The following LIX1L variants were observed in gnomAD, a reference collection of about 807,000 sequenced individuals.
LIX1L encodes LIX1-like protein.
A neutral mutation model predicts 34.0 loss-of-function variants in LIX1L; 20 were observed. The observed-to-expected ratio is 0.59, with a 90% CI of 0.41 to 0.85. The LOEUF is 0.85. LIX1L is among the 40% of genes least tolerant of loss of function. LIX1L has a pLI of 0.00. For missense variants in LIX1L, 397 were observed against 447.0 expected (o/e 0.89, Z 1.01); for synonymous variants, 170 against 187.4 (o/e 0.91, Z 0.76).
At chr1:145,939,383 G>A (rs975087869) in intron 3 of LIX1L, among the ~76,000 whole-genome samples, 2 of 148,644 alleles carry the variant, frequency 1.3e-5, no homozygotes, top group South Asian at 2.1e-4. Context: ...TCAGTTCACC[G>A]CAACCTCCAC....
intron 3 of LIX1L, among the ~76,000 whole-genome samples, chr1:145,938,634 A>G (rs992807822): frequency 1.3e-5 from 2 of 150,374 alleles, no homozygotes; most frequent in South Asian, 2.1e-4. Context: ...GTCGCCCAGG[A>G]TGGAGTGCAG....
chr1:145,955,014 C>T (rs1186173171), intron 1 of LIX1L, among the ~76,000 whole-genome samples: 2 of 152,222 alleles, frequency 1.3e-5, no homozygotes, highest in Non-Finnish European at 2.9e-5. Flanking sequence ...TTTATACATG[C>T]TCTGTAATGT....
At chr1:145,941,404 C>T (rs1240350792) in intron 3 of LIX1L, among the ~76,000 whole-genome samples, 2 of 152,008 alleles carry the variant, frequency 1.3e-5, no homozygotes, top group African/African-American at 4.8e-5. Context: ...AGGCGCCCAC[C>T]ACTGCGCCCA....
chr1:145,943,082 C>T (rs1648980799), intron 2 of LIX1L, among the ~76,000 whole-genome samples: 1 of 152,206 alleles, frequency 6.6e-6, no homozygotes, highest in African/African-American at 2.4e-5. Flanking sequence ...AGGGCTGTAG[C>T]TCATACCAAA....
intron 1 of LIX1L, among the ~76,000 whole-genome samples, chr1:145,957,000 A>G (rs1446284280): frequency 1.3e-5 from 2 of 152,196 alleles, no homozygotes; most frequent in Non-Finnish European, 2.9e-5. Context: ...TCTCCATACT[A>G]AAAAAGATAC....
intron 1 of LIX1L, among the ~76,000 whole-genome samples, chr1:145,949,888 C>G (rs1649231113): frequency 6.6e-6 from 1 of 151,374 alleles, no homozygotes; most frequent in Non-Finnish European, 1.5e-5. Context: ...GCGATCTCAG[C>G]TCACTGCAAC....
chr1:145,937,779 T>A, intron 3 of LIX1L, 80 bp from the exon 4 acceptor site: 2 of 841,356 alleles, frequency 2.4e-6, no homozygotes, highest in South Asian at 1.4e-5. Context: ...AGTAGAAATA[T>A]AATGCAAGCC....
intron 1 of LIX1L, among the ~76,000 whole-genome samples, chr1:145,952,799 C>T (rs937802084): frequency 2.0e-5 from 3 of 151,962 alleles, no homozygotes; most frequent in African/African-American, 7.3e-5. Flanking sequence ...TTAGTAGAGA[C>T]GGGGTTTCGC....
At chr1:145,942,938 A>AG in intron 2 of LIX1L, 85 bp from the exon 3 acceptor site, 2 of 1,324,776 alleles carry the variant, frequency 1.5e-6, no homozygotes, top group South Asian at 2.5e-5. Flanking sequence ...CACTTCAGAT[A>AG]GAAAACACTT....
intron 1 of LIX1L, among the ~76,000 whole-genome samples, chr1:145,950,802 G>C (rs1649273974): frequency 6.6e-6 from 1 of 152,220 alleles, no homozygotes; most frequent in Non-Finnish European, 1.5e-5. Flanking sequence ...CCTACAGGAA[G>C]CGTGGTTCCT....
chr1:145,937,191 T>TTAC lies in LIX1L; in HGVS notation c.694-207_694-206insGTA, dbSNP rs1648689550. On this transcript the variant is annotated intron_variant, in intron 4 of 5. Transcript: ENST00000604000. Reference sequence around the variant, plus strand: ...ATTTATTTACTTACTTACTTACTTATTTGAGACAGAGTCTTGCTCTGTCAC... The same window carrying TTAC: ...ATTTATTTACTTACTTACTTACTTATTACTTGAGACAGAGTCTTGCTCTGTCAC... 1.2e-4 allele frequency among the ~76,000 whole-genome samples: 18 copies of TTAC among 151,082 alleles called. No individual in the cohort carries two copies. In the South Asian group the frequency reaches 1.3e-3, roughly 11 times the overall value.
chr1:145,939,499 G>A lies in LIX1L; in HGVS notation c.598-1800C>T, dbSNP rs781831300. On this transcript the variant is annotated intron_variant, in intron 3 of 5. Transcript: ENST00000604000. ...TTTTGTATTTTTTAGTAGAGATGGGGTTTTAACACATTGGCCAGTCTGGTC... is the reference window on the plus strand; with the variant it reads ...TTTTGTATTTTTTAGTAGAGATGGGATTTTAACACATTGGCCAGTCTGGTC... 6.1e-4 allele frequency among the ~76,000 whole-genome samples: 92 copies of A among 151,900 alleles called. No homozygotes were observed. In the Middle Eastern group the frequency reaches 0.01, roughly 17 times the overall value.
chr1:145,949,849 C>G (rs186990075), intron 1 of LIX1L, among the ~76,000 whole-genome samples: 1 of 150,158 alleles, frequency 6.7e-6, no homozygotes, highest in East Asian at 2.0e-4. Flanking sequence ...CAGAATCTCA[C>G]TCTGTTGCCC....
At position 145,935,107 on chromosome 1, in the gene LIX1L, C is replaced by T; in HGVS notation, c.*1203G>A. The T allele has an allele frequency of 6.7e-6, 1 of 150,032 alleles. No individual in the cohort carries two copies. The highest frequency in any genetic ancestry group is 1.5e-5 in the Non-Finnish European group (1 of 67,908). 9.3% of individuals were successfully genotyped at this position (150,032 alleles called of 1,614,324 possible). ...GCTTGAACCCTGGAGGCAGAGGTTG[C>T]AGTGAGCCGAGATCACGCCACTGCA... On this transcript the variant is annotated 3_prime_UTR_variant, in exon 6 of 6. Coordinates refer to ENST00000604000, the MANE Select transcript of LIX1L (RefSeq NM_153713.3).
At chr1:145,940,258 G>A (rs1055003097) in intron 3 of LIX1L, among the ~76,000 whole-genome samples, 10 of 151,912 alleles carry the variant, frequency 6.6e-5, no homozygotes, top group African/African-American at 1.9e-4. Flanking sequence ...GAGCCACCGC[G>A]CCAACAATGA....
At chr1:145,939,548 C>T (rs1430920292) in intron 3 of LIX1L, among the ~76,000 whole-genome samples, 1 of 151,978 alleles carries the variant, frequency 6.6e-6, no homozygotes, top group Non-Finnish European at 1.5e-5. Flanking sequence ...CTCAGGTGAT[C>T]TGCTCACCTC....
chr1:145,943,238 G>C (rs1553758889), intron 2 of LIX1L, among the ~76,000 whole-genome samples: 1 of 152,142 alleles, frequency 6.6e-6, no homozygotes, highest in Non-Finnish European at 1.5e-5. Flanking sequence ...TCTGCGGACA[G>C]GTAAGGTTTT....
At chr1:145,955,104 A>T (rs1649426087) in intron 1 of LIX1L, among the ~76,000 whole-genome samples, 1 of 152,238 alleles carries the variant, frequency 6.6e-6, no homozygotes, top group Admixed American at 6.5e-5. Context: ...AATATTTGGT[A>T]AATGAATGAA....
intron 5 of LIX1L, 36 bp from the exon 6 acceptor site, chr1:145,936,588 G>A (rs1648655585): frequency 6.2e-7 from 1 of 1,611,810 alleles, no homozygotes; most frequent in African/African-American, 1.3e-5. Flanking sequence ...TCATTGAGAA[G>A]GTAAAGGTTC....
Sources: allele counts gnomAD v4.1 joint callset (sites outside exome capture counted in the v4.1 genomes callset), GRCh38; gene constraint gnomAD v4.1.1; transcripts MANE v1.5; gene names NCBI Gene and HGNC (gene_info 2026-07-23, HGNC 2026-07-21).